The following EFHC2 variants were observed in gnomAD, a reference collection of about 807,000 sequenced individuals.
EFHC2 encodes EF-hand domain containing 2.
Under a neutral mutation model 52.7 loss-of-function variants are expected in EFHC2, and 18 were observed. The observed-to-expected ratio is 0.34, with a 90% CI of 0.24 to 0.51. EFHC2 has a LOEUF of 0.51. Among genes scored for constraint, EFHC2 ranks in the 20% least tolerant of loss-of-function variants. EFHC2 has a pLI of 0.97. For synonymous variants in EFHC2, 203 were observed against 204.1 expected (o/e 0.99, Z 0.04); for missense variants, 513 against 562.5 (o/e 0.91, Z 0.89).
intron 1 of EFHC2, among the ~76,000 whole-genome samples, chrX:44,328,944 G>A (rs954674357): frequency 1.8e-5 from 2 of 111,385 alleles, no homozygotes; most frequent in South Asian, 3.8e-4. Context: ...GCCCGCTCCC[G>A]GACTGTGGAG....
intron 11 of EFHC2, among the ~76,000 whole-genome samples, chrX:44,183,411 G>A (rs150078787): frequency 1.1e-4 from 12 of 112,092 alleles, no homozygotes; most frequent in East Asian, 5.6e-4. Context: ...AACCCTTGCC[G>A]TATTGCCACT....
chrX:44,248,182 C>T (rs1161026504), intron 7 of EFHC2, 90 bp downstream of exon 7: 1 of 800,043 alleles, frequency 1.2e-6, no homozygotes, highest in Non-Finnish European at 1.7e-6. Flanking sequence ...TATTATGAGC[C>T]TAGCATTTGA....
intron 2 of EFHC2, chrX:44,310,094 G>A: frequency 1.4e-6 from 1 of 722,306 alleles, no homozygotes; most frequent in East Asian, 3.2e-5. Context: ...CCAGAACATG[G>A]GATATAAAAT....
chrX:44,188,736 G>T (rs1217034671), intron 11 of EFHC2, among the ~76,000 whole-genome samples: 1 of 111,476 alleles, frequency 9.0e-6, no homozygotes, highest in Non-Finnish European at 1.9e-5. Flanking sequence ...AAGATGAAAG[G>T]CAATCTGCCA....
chrX:44,273,285 G>C (rs758153562), intron 2 of EFHC2, among the ~76,000 whole-genome samples: 221 of 112,135 alleles, frequency 2.0e-3, no homozygotes, highest in African/African-American at 6.9e-3. Flanking sequence ...ATGATTGCTT[G>C]CCTTCAGGCA....
intron 4 of EFHC2, among the ~76,000 whole-genome samples, chrX:44,254,240 A>G (rs1009174589): frequency 8.9e-6 from 1 of 112,343 alleles, no homozygotes; most frequent in Non-Finnish European, 1.9e-5. Flanking sequence ...ACTCCTCGCC[A>G]GCAAGAGAAC....
chrX:44,199,340 G>A (rs1446929668), intron 11 of EFHC2, among the ~76,000 whole-genome samples: 1 of 113,159 alleles, frequency 8.8e-6, no homozygotes, highest in Non-Finnish European at 1.9e-5. Context: ...AGAGGCAGAT[G>A]CTAGCACCAC....
intron 1 of EFHC2, among the ~76,000 whole-genome samples, chrX:44,322,928 A>T (rs1285695036): frequency 9.1e-6 from 1 of 110,407 alleles, no homozygotes. Context: ...CAGGAGGATC[A>T]CTTGAACCTG....
intron 4 of EFHC2, among the ~76,000 whole-genome samples, chrX:44,253,385 G>A (rs1237747571): frequency 1.8e-5 from 2 of 111,207 alleles, no homozygotes; most frequent in Non-Finnish European, 3.8e-5. Flanking sequence ...TGAAATTCTC[G>A]CTGCCAGCAC....
Position 44,299,967 on chromosome X carries a change from T to C in EFHC2, c.231+12601A>G, listed in dbSNP as rs763498326. Among the ~76,000 whole-genome samples the C allele has an allele frequency of 2.7e-5, 3 of 112,128 alleles. No individual in the cohort carries two copies. The South Asian group carries it at 1.1e-3, about 42-fold the overall frequency. On this transcript the variant is annotated intron_variant, in intron 2 of 14. Transcript: ENST00000420999. The stretch of plus-strand genomic sequence containing the variant: ...ACTTTAAAAAAAATTTTTTTAAGAA[T>C]ACAGCTAGATTATATGGTCTATGGC...
chrX:44,300,017 C>T (rs987698678), intron 2 of EFHC2, among the ~76,000 whole-genome samples: 1 of 111,090 alleles, frequency 9.0e-6, no homozygotes, highest in Non-Finnish European at 1.9e-5. Flanking sequence ...CCACCATCAG[C>T]GTTACAAAAA....
At chrX:44,165,006 A>G (rs1362759931) in intron 13 of EFHC2, among the ~76,000 whole-genome samples, 1 of 111,567 alleles carries the variant, frequency 9.0e-6, no homozygotes, top group African/African-American at 3.3e-5. Flanking sequence ...TAATGCCTCA[A>G]TGCCACCTAT....
At chrX:44,151,396 A>G (rs908605593) in intron 14 of EFHC2, among the ~76,000 whole-genome samples, 2 of 111,845 alleles carry the variant, frequency 1.8e-5, no homozygotes, top group Non-Finnish European at 3.8e-5. Context: ...ACAGTTCAGA[A>G]GGCCAGAAGT....
intron 14 of EFHC2, among the ~76,000 whole-genome samples, chrX:44,162,340 T>C (rs901414872): frequency 5.4e-5 from 6 of 111,367 alleles, no homozygotes; most frequent in South Asian, 3.8e-4. Context: ...GGAGAATCGC[T>C]TGAACCTGGG....
rs370252600 is a variant in EFHC2 at position 44,184,580 on chromosome X, G to C, written c.1752-6016C>G. Among the ~76,000 whole-genome samples, 7 of 110,893 alleles carry C rather than the reference G, an allele frequency of 6.3e-5. No individual in the cohort carries two copies. In the East Asian group the frequency reaches 1.7e-3, roughly 27 times the overall value. On this transcript the variant is annotated intron_variant, in intron 11 of 14. Coordinates refer to ENST00000420999, the MANE Select transcript of EFHC2 (RefSeq NM_025184.4). ...TCTACTAAAAATACAAAAATTAGTC[G>C]GGCATGGTGGCGCACGCCTGTAGTC...
At chrX:44,185,666 A>C (rs1038489899) in intron 11 of EFHC2, among the ~76,000 whole-genome samples, 1 of 110,376 alleles carries the variant, frequency 9.1e-6, no homozygotes, top group Non-Finnish European at 1.9e-5. Context: ...CCTCCCAAGT[A>C]GCTAGCTCCA....
intron 4 of EFHC2, among the ~76,000 whole-genome samples, chrX:44,257,492 C>T (rs2147342385): frequency 9.0e-6 from 1 of 111,481 alleles, no homozygotes; most frequent in African/African-American, 3.3e-5. Flanking sequence ...TCCTGTACAC[C>T]AATAATAGAC....
At chrX:44,298,319 C>T (rs1415289697) in intron 2 of EFHC2, among the ~76,000 whole-genome samples, 1 of 111,798 alleles carries the variant, frequency 8.9e-6, no homozygotes, top group African/African-American at 3.2e-5. Context: ...AGCTGCGCCT[C>T]AAATCTTAAA....
chrX:44,249,233 G>A lies in EFHC2; in HGVS notation c.859-317C>T, dbSNP rs1455332700. On this transcript the variant is annotated intron_variant, in intron 5 of 14. Coordinates refer to ENST00000420999, the MANE Select transcript of EFHC2 (RefSeq NM_025184.4). The stretch of plus-strand genomic sequence containing the variant: ...CAAACGCAGTAGGGCTTCCAGCAGT[G>A]GGCTCAGAGAATCTGGGAAAGCCTC... 1.5e-4 allele frequency among the ~76,000 whole-genome samples: 17 copies of A among 111,377 alleles called. 1 individual carries two copies. Among genetic ancestry groups the A allele is most frequent in the Admixed American group, 1.5e-3 (16 of 10,515 alleles).
Sources: allele counts gnomAD v4.1 joint callset (sites outside exome capture counted in the v4.1 genomes callset), GRCh38; gene constraint gnomAD v4.1.1; transcripts MANE v1.5; gene names NCBI Gene and HGNC (gene_info 2026-07-23, HGNC 2026-07-21).